XAGE2: variants seen among roughly 807,000 people sequenced by gnomAD.
The protein encoded by XAGE2 is G antigen family D member 3.
A neutral mutation model predicts 9.9 loss-of-function variants in XAGE2; 7 were observed. The observed-to-expected ratio is 0.71, with a 90% confidence interval of 0.40 to 1.32. The LOEUF is 1.32. Ranked by LOEUF, XAGE2 falls within the 40% of genes most tolerant of loss-of-function variation. XAGE2 has a pLI of 0.01. For missense variants in XAGE2, 85 were observed against 81.0 expected, an observed-to-expected ratio of 1.05 and a Z score of -0.19; for synonymous variants, 31 against 26.8, an observed-to-expected ratio of 1.16 and a Z score of -0.48.
chrX:52,371,126 A>G (rs1921181000), intron 3 of XAGE2, among the ~76,000 whole-genome samples: 1 of 111,804 alleles, frequency 8.9e-6, no homozygotes, highest in East Asian at 2.8e-4. Flanking sequence ...CCTATTTTAT[A>G]AAAAGGAAAT....
At chrX:52,373,986 C>A (rs1466828866) in intron 4 of XAGE2, among the ~76,000 whole-genome samples, 1 of 111,193 alleles carries the variant, frequency 9.0e-6, no homozygotes, top group Non-Finnish European at 1.9e-5. Context: ...AATAAAAGAG[C>A]AACAGAATAA....
rs1050524189 is a variant in XAGE2 at position 52,372,672 on chromosome X, G to A, written c.313+3G>A. 58 of 1,209,004 alleles carry A rather than the reference G, an allele frequency of 4.8e-5. No individual in the cohort carries two copies. The highest frequency in any genetic ancestry group is 6.6e-5 in the Admixed American group (3 of 45,705). Reference sequence around the variant, plus strand: ...GCACTTTAAAATGCCAGAAGCAGGTGTGTTATTCATTAAGACACAAAGTTA... The same window carrying A: ...GCACTTTAAAATGCCAGAAGCAGGTATGTTATTCATTAAGACACAAAGTTA... On this transcript the variant is annotated splice_donor_region_variant and intron_variant, in intron 4 of 4. Coordinates refer to ENST00000286049, the MANE Select transcript of XAGE2 (RefSeq NM_130777.3).
Position 52,370,583 on chromosome X carries a change from A to C in XAGE2, c.98A>C (p.Glu33Ala), listed in dbSNP as rs1035185608. 4 of 1,209,696 alleles carry C rather than the reference A, an allele frequency of 3.3e-6. No individual in the cohort carries two copies. In the East Asian group the frequency reaches 1.2e-4, roughly 36 times the overall value. Residue 33 changes from glutamate to alanine, a missense_variant, in exon 3 of 5, where the codon GAG (glutamate) becomes GCG (alanine). Coordinates refer to ENST00000286049, the MANE Select transcript of XAGE2 (RefSeq NM_130777.3). ...TTGTCCCAGGAACCCACTGATGAAG[A>C]GCCTAAAGAAGAGAAACCACCCACT... ...IGAMLEPTDE[E>A]PKEEKPPTKS...
In XAGE2 at chrX:52,373,118, C is replaced by A. The variant is rs1352715158; in HGVS notation, c.313+449C>A. ...GTTATTGAAAATGGTGAATGCAGATCAAATGTATTAAAATCCGTTTCAATG... is the reference window on the plus strand; with the variant it reads ...GTTATTGAAAATGGTGAATGCAGATAAAATGTATTAAAATCCGTTTCAATG... On this transcript the variant is annotated intron_variant, in intron 4 of 4. Coordinates refer to ENST00000286049, the MANE Select transcript of XAGE2 (RefSeq NM_130777.3). Among the ~76,000 whole-genome samples the A allele has an allele frequency of 1.8e-5, 2 of 112,286 alleles. 1 individual carries two copies. Among genetic ancestry groups the A allele is most frequent in the Admixed American group, 1.9e-4 (2 of 10,582 alleles).
At chrX:52,375,427 G>T in intron 4 of XAGE2, 142 bp from the exon 5 acceptor site, 1 of 541,988 alleles carries the variant, frequency 1.8e-6, no homozygotes, top group South Asian at 3.3e-5. Context: ...AGGTCTAATT[G>T]AATGTAAGCC....
chrX:52,373,591 C>T (rs1921246093), intron 4 of XAGE2, among the ~76,000 whole-genome samples: 1 of 111,816 alleles, frequency 8.9e-6, no homozygotes, highest in African/African-American at 3.3e-5. Flanking sequence ...ATGATATAAT[C>T]ACCTCTAACC....
At position 52,375,674 on chromosome X, in the gene XAGE2, C is replaced by A; in HGVS notation, c.*83C>A. On this transcript the variant is annotated 3_prime_UTR_variant, in exon 5 of 5. Transcript: ENST00000286049. ...TATCTTAATAAAGTTTTAAGCTTTT[C>A]TCCAAAGAAGTCTTGCACATCTTCT... The A allele has an allele frequency of 1.1e-6, 1 of 877,360 alleles. No homozygotes were observed. Among genetic ancestry groups the A allele is most frequent in the Non-Finnish European group, 1.6e-6 (1 of 626,075 alleles). 72.3% of individuals were successfully genotyped at this position (877,360 alleles called of 1,213,427 possible).
At chrX:52,371,276 G>A (rs1483854858) in intron 3 of XAGE2, among the ~76,000 whole-genome samples, 2 of 111,888 alleles carry the variant, frequency 1.8e-5, no homozygotes, top group Non-Finnish European at 3.8e-5. Flanking sequence ...CTTAATACTC[G>A]AATGTGTCTG....
At chrX:52,374,334 T>C (rs1324914672) in intron 4 of XAGE2, among the ~76,000 whole-genome samples, 1 of 111,766 alleles carries the variant, frequency 8.9e-6, no homozygotes, top group African/African-American at 3.2e-5. Context: ...CTTCCCAGGT[T>C]CAAGTGATTC....
Position 52,370,622 on chromosome X carries a change from C to A in XAGE2, c.137C>A (p.Pro46His), listed in dbSNP as rs1289749219. The A allele has an allele frequency of 8.3e-7, 1 of 1,209,655 alleles. No individual in the cohort carries two copies. The highest frequency in any genetic ancestry group is 1.8e-5 in the African/African-American group (1 of 57,019). Residue 46 changes from proline (P) to histidine (H), a missense_variant, in exon 3 of 5, where the codon CCT (proline) becomes CAT (histidine). Transcript: ENST00000286049. ...AAACCACCCACTAAAAGTCGGAATC[C>A]TACACCTGATCAGAAGAGAGAAGAT... ...EEKPPTKSRN[P>H]TPDQKREDDQ...
chrX:52,372,225 T>C (rs936797897), intron 3 of XAGE2, among the ~76,000 whole-genome samples: 1,170 of 110,305 alleles, frequency 0.011, 21 homozygotes, highest in African/African-American at 0.037. Flanking sequence ...GCCTTGGTGG[T>C]GGCATGTGCC....
chrX:52,372,403 G>T, intron 3 of XAGE2, 141 bp from the exon 4 acceptor site: 3 of 785,781 alleles, frequency 3.8e-6, no homozygotes, highest in South Asian at 2.5e-5. Context: ...GAAAACAAAA[G>T]TGTGACAGCT....
intron 4 of XAGE2, 105 bp from the exon 5 acceptor site, chrX:52,375,464 T>C: frequency 1.2e-6 from 1 of 828,905 alleles, no homozygotes; most frequent in South Asian, 2.3e-5. Context: ...GTTTATGGTC[T>C]TAGTCCACTG....
Position 52,370,665 on chromosome X carries a change from G to A in XAGE2, c.180G>A (p.Glu60=). 1.7e-6 allele frequency: 2 copies of A among 1,209,866 alleles called. No homozygotes were observed. The highest frequency in any genetic ancestry group is 2.3e-4 in the Middle Eastern group (1 of 4,340). ...GAGAAGATGATCAGGGTGCAGCTGA[G>A]ATTCAAGGTGCTGGGAAAGGAAAGA... ...QKREDDQGAA[E]IQVPDLEADL... Residue 60 remains glutamate, a synonymous_variant, in exon 3 of 5, where the codon GAG becomes GAA. Transcript: ENST00000286049.
At chrX:52,371,283 T>C (rs1275768568) in intron 3 of XAGE2, among the ~76,000 whole-genome samples, 2 of 112,142 alleles carry the variant, frequency 1.8e-5, no homozygotes, top group East Asian at 5.5e-4. Context: ...CTCGAATGTG[T>C]CTGTACTGTA....
chrX:52,375,149 C>T (rs1206046753), intron 4 of XAGE2, among the ~76,000 whole-genome samples: 1 of 111,906 alleles, frequency 8.9e-6, no homozygotes, highest in Non-Finnish European at 1.9e-5. Flanking sequence ...GACATCCAGA[C>T]CATAGTTTCA....
At chrX:52,372,454 T>A in intron 3 of XAGE2, 90 bp from the exon 4 acceptor site, 1 of 1,118,375 alleles carries the variant, frequency 8.9e-7, no homozygotes, top group Non-Finnish European at 1.2e-6. Flanking sequence ...CAGGCTTTTA[T>A]GTCATAACTC....
In XAGE2 at chrX:52,369,991, A is replaced by T. The variant is rs1921149892; in HGVS notation, c.-8-16A>T. On this transcript the variant is annotated splice_polypyrimidine_tract_variant and intron_variant, in intron 1 of 4. Transcript: ENST00000286049. ...CTCTCAAACACACTTTCCCAATCAC[A>T]GTATTCTGTTTGCAGAGTGAAATAT... is the stretch of plus-strand genomic sequence containing the variant. The T allele has an allele frequency of 8.3e-7, 1 of 1,205,180 alleles. No individual in the cohort carries two copies. Among genetic ancestry groups the T allele is most frequent in the South Asian group, 1.8e-5 (1 of 56,890 alleles).
In XAGE2 at chrX:52,375,615, A is replaced by C; in HGVS notation, c.*24A>C. ...AAAGGAAGATAAGCTGAAACAACAC[A>C]AACTGTTTTTATATTAGATATTTTA... On this transcript the variant is annotated 3_prime_UTR_variant, in exon 5 of 5. Transcript: ENST00000286049. 1 of 1,184,392 alleles carries C rather than the reference A, an allele frequency of 8.4e-7. No individual in the cohort carries two copies. Among genetic ancestry groups the C allele is most frequent in the East Asian group, 3.0e-5 (1 of 33,541 alleles).
Sources: allele counts gnomAD v4.1 joint callset (sites outside exome capture counted in the v4.1 genomes callset), GRCh38; gene constraint gnomAD v4.1.1; transcripts MANE v1.5; gene names NCBI Gene and HGNC (gene_info 2026-07-23, HGNC 2026-07-21).